The following RABGAP1L variants were observed in gnomAD, a reference collection of about 807,000 sequenced individuals.
RABGAP1L encodes the protein RAB GTPase activating protein 1 like, also known as rab GTPase-activating protein 1-like.
In RABGAP1L, 63 loss-of-function variants were observed where a neutral mutation model predicts 137.7. That is an observed-to-expected ratio of 0.46 (90% confidence interval 0.37 to 0.56). The LOEUF is 0.56. RABGAP1L is among the 20% of genes least tolerant of loss of function. RABGAP1L has a pLI of 0.00. For synonymous variants in RABGAP1L, 431 were observed against 433.7 expected, an observed-to-expected ratio of 0.99 and a Z score of 0.08; for missense variants, 1,095 against 1,244.0, an observed-to-expected ratio of 0.88 and a Z score of 1.80.
Position 174,275,817 on chromosome 1 carries a change from G to A in RABGAP1L, c.1054-16G>A. 2 of 1,590,732 alleles carry A rather than the reference G, an allele frequency of 1.3e-6. No homozygotes were observed. Among genetic ancestry groups the A allele is most frequent in the Non-Finnish European group, 1.7e-6 (2 of 1,162,748 alleles). ...TTGATGTCTTTTATCAGTAATTACT[G>A]TTTGAATTTTTATAGGAATCCATGG... is the stretch of plus-strand genomic sequence containing the variant. On this transcript the variant is annotated splice_polypyrimidine_tract_variant and intron_variant, in intron 8 of 25. Transcript: ENST00000681986.
At chr1:174,244,730 T>C (rs1672113247) in intron 5 of RABGAP1L, 1 of 152,236 alleles carries the variant, frequency 6.6e-6, no homozygotes, top group African/African-American at 2.4e-5. Flanking sequence ...AGGAGGCACC[T>C]GTTCTTGTCA....
intron 17 of RABGAP1L, among the ~76,000 whole-genome samples, chr1:174,734,424 A>T (rs1290316300): frequency 2.0e-5 from 3 of 152,216 alleles, no homozygotes; most frequent in East Asian, 1.9e-4. Flanking sequence ...GGACCTCATT[A>T]AAAAAATAAA....
intron 19 of RABGAP1L, among the ~76,000 whole-genome samples, chr1:174,863,078 G>C (rs1293303643): frequency 1.3e-5 from 2 of 151,032 alleles, no homozygotes; most frequent in Non-Finnish European, 2.9e-5. Context: ...ATTTTTAGTA[G>C]AGACGGGGTT....
chr1:174,956,495 C>T, intron 19 of RABGAP1L, among the ~76,000 whole-genome samples: 1 of 152,092 alleles, frequency 6.6e-6, no homozygotes, highest in East Asian at 1.9e-4. Flanking sequence ...TTGTGGATGA[C>T]ATAATTTTAG....
intron 13 of RABGAP1L, among the ~76,000 whole-genome samples, chr1:174,615,073 C>A (rs1398106675): frequency 2.0e-5 from 3 of 152,228 alleles, no homozygotes; most frequent in Admixed American, 2.0e-4. Flanking sequence ...CTTCTTCTCT[C>A]AACTCGTCAA....
At chr1:174,229,874 G>C (rs1033291171) in intron 3 of RABGAP1L, among the ~76,000 whole-genome samples, 2 of 152,158 alleles carry the variant, frequency 1.3e-5, no homozygotes, top group Non-Finnish European at 2.9e-5. Context: ...CTAGTTTACA[G>C]TCCCGCCAAC....
chr1:174,946,820 G>T (rs1666842265), intron 19 of RABGAP1L, among the ~76,000 whole-genome samples: 1 of 146,198 alleles, frequency 6.8e-6, no homozygotes, highest in Non-Finnish European at 1.5e-5. Flanking sequence ...AGAATCGCTT[G>T]AACTCAGTGG....
intron 19 of RABGAP1L, among the ~76,000 whole-genome samples, chr1:174,817,584 G>A (rs1010352920): frequency 6.6e-6 from 1 of 152,156 alleles, no homozygotes; most frequent in African/African-American, 2.4e-5. Context: ...GCCAGCTTGT[G>A]CAGAGCCTTG....
At chr1:174,699,708 C>T in intron 16 of RABGAP1L, 58 bp downstream of exon 16, 1 of 1,463,158 alleles carries the variant, frequency 6.8e-7, no homozygotes, top group Non-Finnish European at 9.4e-7. Context: ...TAGAAAAAGC[C>T]TAATAGAGTT....
At chr1:174,945,366 CT>C (rs1666569310) in intron 19 of RABGAP1L, among the ~76,000 whole-genome samples, 1 of 152,126 alleles carries the variant, frequency 6.6e-6, no homozygotes, top group Non-Finnish European at 1.5e-5. Flanking sequence ...TGGATTTCTA[CT>C]TGAGATTTAC....
At chr1:174,916,362 A>G (rs1030689154) in intron 19 of RABGAP1L, among the ~76,000 whole-genome samples, 1 of 152,194 alleles carries the variant, frequency 6.6e-6, no homozygotes, top group East Asian at 1.9e-4. Flanking sequence ...AATCTTGTCA[A>G]TGATGGGACC....
chr1:174,511,339 A>G (rs1297673550), intron 13 of RABGAP1L, among the ~76,000 whole-genome samples: 1 of 152,148 alleles, frequency 6.6e-6, no homozygotes, highest in Non-Finnish European at 1.5e-5. Context: ...TAAATATGCA[A>G]TTTTCTTTGG....
intron 17 of RABGAP1L, among the ~76,000 whole-genome samples, chr1:174,735,387 CAATT>C (rs1432265339): frequency 6.6e-6 from 1 of 151,692 alleles, no homozygotes; most frequent in Non-Finnish European, 1.5e-5. Flanking sequence ...AGGGTCAACT[CAATT>C]AAATTAATTC....
rs1672233965 is a variant in RABGAP1L at position 174,994,164 on chromosome 1, C to T, written c.*4163C>T. ...CATAATGGCTTCCATTTAATACAGG[C>T]AAAGCCCTTTACCTTAGCAAATTCT... On this transcript the variant is annotated 3_prime_UTR_variant, in exon 26 of 26. Transcript: ENST00000681986. 1 of 152,218 alleles carries T rather than the reference C, an allele frequency of 6.6e-6. No individual in the cohort carries two copies. The highest frequency in any genetic ancestry group is 1.5e-5 in the Non-Finnish European group (1 of 68,032). 9.4% of individuals were successfully genotyped at this position (152,218 alleles called of 1,614,324 possible).
chr1:174,195,752 TCTC>T (rs1306032635), intron 1 of RABGAP1L, among the ~76,000 whole-genome samples: 29 of 138,132 alleles, frequency 2.1e-4, no homozygotes, highest in African/African-American at 6.2e-4. Context: ...TCTTTCTTTC[TCTC>T]TTTCTCTCTT....
intron 13 of RABGAP1L, among the ~76,000 whole-genome samples, chr1:174,460,822 A>G (rs1383323460): frequency 6.6e-6 from 1 of 152,072 alleles, no homozygotes; most frequent in Non-Finnish European, 1.5e-5. Flanking sequence ...TCTTCCCTAC[A>G]CTAAAACAGA....
At chr1:174,245,999 A>G (rs1428589957) in intron 5 of RABGAP1L, 2 of 152,164 alleles carry the variant, frequency 1.3e-5, no homozygotes, top group African/African-American at 4.8e-5. Flanking sequence ...CACCAGTATT[A>G]ATGAAAAGAC....
At chr1:174,439,071 A>C (rs534627231) in intron 13 of RABGAP1L, among the ~76,000 whole-genome samples, 1 of 150,784 alleles carries the variant, frequency 6.6e-6, no homozygotes, top group South Asian at 2.1e-4. Flanking sequence ...CTTGCCTGTT[A>C]AACTGGCTGG....
At chr1:174,547,673 G>T (rs1249677445) in intron 13 of RABGAP1L, among the ~76,000 whole-genome samples, 1 of 152,124 alleles carries the variant, frequency 6.6e-6, no homozygotes, top group East Asian at 1.9e-4. Flanking sequence ...TTCTTTAAAT[G>T]TGTGTAAATT....
Sources: gnomAD v4.1 joint callset for allele counts (sites outside exome capture counted in the v4.1 genomes callset) on GRCh38, gnomAD v4.1.1 for gene constraint, MANE v1.5 for transcripts, NCBI Gene and HGNC (gene_info 2026-07-23, HGNC 2026-07-21) for gene names.